The following MARCHF11 variants were observed in gnomAD, a reference collection of about 807,000 sequenced individuals.
MARCHF11 encodes E3 ubiquitin-protein ligase MARCHF11.
In MARCHF11, 29 loss-of-function variants were observed where a neutral mutation model predicts 37.3. That is an observed-to-expected ratio of 0.78 (90% CI 0.58 to 1.06). The LOEUF (loss-of-function observed/expected upper bound fraction) is 1.06, where lower values mean the gene tolerates loss of function less well. Ranked by LOEUF, MARCHF11 falls within the 50% of genes least tolerant of loss-of-function variation. The probability of loss-of-function intolerance (pLI) is 0.00; values close to 1 mark genes in which losing one functional copy is unlikely to be tolerated. For missense variants in MARCHF11, 482 were observed against 533.4 expected (o/e 0.90, Z 0.95); for synonymous variants, 233 against 228.0 (o/e 1.02, Z -0.20).
chr5:16,150,373 G>A (rs1737870552), intron 2 of MARCHF11, among the ~76,000 whole-genome samples: 1 of 149,178 alleles, frequency 6.7e-6, no homozygotes, highest in South Asian at 2.1e-4. Context: ...ATGTGCTCCT[G>A]CCTACCTAAA....
Position 16,179,293 on chromosome 5 carries a change from C to A in MARCHF11, c.283G>T (p.Glu95Ter). 7.8e-7 allele frequency: 1 copy of A among 1,281,884 alleles called. No homozygotes were observed. Among genetic ancestry groups the A allele is most frequent in the South Asian group, 2.3e-5 (1 of 43,734 alleles). 79.4% of individuals were successfully genotyped at this position (1,281,884 alleles called of 1,614,324 possible). ...CCGGAGTCGCCGGCCGCCGCCACTT[C>A]CTGGCCGGCGGGCTGCAGGGGCAGG... ...PPLPLQPAGQ[E>*]VAAAGDSGEG... The change falls in exon 1 of 4, where the codon GAA becomes TAA. Residue 95 changes from glutamate to a stop codon, truncating the protein, a stop_gained. Transcript: ENST00000332432. LOFTEE classifies it high-confidence loss of function.
At chr5:16,158,682 T>A (rs1738018782) in intron 2 of MARCHF11, among the ~76,000 whole-genome samples, 1 of 151,980 alleles carries the variant, frequency 6.6e-6, no homozygotes, top group South Asian at 2.1e-4. Flanking sequence ...CTATAGTTAA[T>A]AACAATGTAT....
rs1736407384 is a variant in MARCHF11, at chr5:16,070,101, C to T, written c.887-2308G>A. ...TTCAAATAATTGTTTTTATCAACTT[C>T]TTTTTTCAAAGGAATAATCATAGTT... On this transcript the variant is annotated intron_variant, in intron 3 of 3. Coordinates refer to ENST00000332432, the MANE Select transcript of MARCHF11 (RefSeq NM_001102562.3). 3.3e-5 allele frequency among the ~76,000 whole-genome samples: 5 copies of T among 152,272 alleles called. No homozygotes were observed. In the South Asian group the frequency reaches 1.0e-3, roughly 32 times the overall value.
chr5:16,084,633 A>G (rs1364623375), intron 3 of MARCHF11, among the ~76,000 whole-genome samples: 1 of 150,684 alleles, frequency 6.6e-6, no homozygotes. Context: ...ACAGAGCAAG[A>G]CTCTGTGTCA....
At chr5:16,127,644 A>T (rs1737433435) in intron 2 of MARCHF11, among the ~76,000 whole-genome samples, 1 of 152,248 alleles carries the variant, frequency 6.6e-6, no homozygotes, top group African/African-American at 2.4e-5. Context: ...GTTCCCCAGC[A>T]GGGAGGGACC....
chr5:16,172,746 C>A (rs548007743), intron 2 of MARCHF11, among the ~76,000 whole-genome samples: 38 of 152,226 alleles, frequency 2.5e-4, no homozygotes, highest in Non-Finnish European at 4.3e-4. Context: ...TGGAAATGCC[C>A]CTTTCATGAT....
intron 2 of MARCHF11, among the ~76,000 whole-genome samples, chr5:16,152,960 A>G (rs2126599134): frequency 6.6e-6 from 1 of 152,136 alleles, no homozygotes; most frequent in East Asian, 1.9e-4. Context: ...GCAATAAATC[A>G]TTCACTTCAA....
rs16868084 is a variant in MARCHF11 at position 16,082,306 on chromosome 5, A to C, written c.886+8583T>G. ...TGAGGCATTTCCTGGGGCGCGAAGC[A>C]TGCTAAGATAGTCTGAAGCCAGGAA... On this transcript the variant is annotated intron_variant, in intron 3 of 3. Transcript: ENST00000332432. Among the ~76,000 whole-genome samples, 1,325 of 152,332 alleles carry C rather than the reference A, an allele frequency of 8.7e-3. 14 individuals carry two copies. The highest frequency in any genetic ancestry group is 0.03 in the African/African-American group (1,253 of 41,578).
intron 2 of MARCHF11, among the ~76,000 whole-genome samples, chr5:16,142,682 ATTTTATCTTTTTTT>A (rs977911473): frequency 3.3e-5 from 4 of 119,768 alleles, no homozygotes; most frequent in African/African-American, 1.3e-4. Context: ...CACTTCTTAT[ATTTTATCTTTTTTT>A]TTTTTTTTTT....
At chr5:16,117,649 G>T (rs879728560) in intron 2 of MARCHF11, among the ~76,000 whole-genome samples, 15 of 152,208 alleles carry the variant, frequency 9.9e-5, no homozygotes, top group Non-Finnish European at 1.9e-4. Context: ...AGCTACGCAG[G>T]AGGCCAAGGT....
rs547318175 is a variant in MARCHF11 at position 16,088,247 on chromosome 5, C to T, written c.886+2642G>A. Among the ~76,000 whole-genome samples, 146 of 152,314 alleles carry T rather than the reference C, an allele frequency of 9.6e-4. 2 individuals are homozygous for T. The highest frequency in any genetic ancestry group is 3.4e-3 in the African/African-American group (143 of 41,572). The stretch of plus-strand genomic sequence containing the variant: ...TGGTGTTCAACTACCCCTTCCTGTG[C>T]ATACGTCCACAACTGTGCACATCCC... On this transcript the variant is annotated intron_variant, in intron 3 of 3. Coordinates refer to ENST00000332432, the MANE Select transcript of MARCHF11 (RefSeq NM_001102562.3).
intron 2 of MARCHF11, among the ~76,000 whole-genome samples, chr5:16,138,373 T>C (rs995449631): frequency 2.6e-5 from 4 of 152,174 alleles, no homozygotes; most frequent in African/African-American, 9.6e-5. Flanking sequence ...GGCCCGCAAG[T>C]GCTCAGAAGT....
At chr5:16,071,536 T>A (rs1736437542) in intron 3 of MARCHF11, among the ~76,000 whole-genome samples, 2 of 152,200 alleles carry the variant, frequency 1.3e-5, no homozygotes, top group Non-Finnish European at 2.9e-5. Flanking sequence ...TTTGAAGTAG[T>A]GTGTTACTTG....
rs908938564 is a variant in MARCHF11, at chr5:16,067,857, T to C, written c.887-64A>G. 28 of 1,418,600 alleles carry C rather than the reference T, an allele frequency of 2.0e-5. No individual in the cohort carries two copies. In the East Asian group the frequency reaches 2.8e-4, roughly 14 times the overall value. 87.9% of individuals were successfully genotyped at this position (1,418,600 alleles called of 1,614,324 possible). ...ATAATCCAAGGCTGGGAGTGTTATT[T>C]TGTATACAAGTAAGGGATCCAAAAA... On this transcript the variant is annotated intron_variant, in intron 3 of 3. Transcript: ENST00000332432.
At chr5:16,069,134 A>G (rs1173010791) in intron 3 of MARCHF11, among the ~76,000 whole-genome samples, 1 of 152,212 alleles carries the variant, frequency 6.6e-6, no homozygotes, top group Non-Finnish European at 1.5e-5. Flanking sequence ...ACCAATGGAT[A>G]AGAGTAATGA....
At chr5:16,133,564 T>A (rs569704838) in intron 2 of MARCHF11, among the ~76,000 whole-genome samples, 1 of 152,152 alleles carries the variant, frequency 6.6e-6, no homozygotes, top group South Asian at 2.1e-4. Context: ...GGATCTTTTC[T>A]TACACAGCAC....
intron 2 of MARCHF11, among the ~76,000 whole-genome samples, chr5:16,176,096 ATT>A (rs5866175): frequency 2.0e-4 from 29 of 146,876 alleles, no homozygotes; most frequent in African/African-American, 6.5e-4. Context: ...AGTAAATAGT[ATT>A]TTTTTTTTTT....
At chr5:16,114,714 G>A (rs772554378) in intron 2 of MARCHF11, among the ~76,000 whole-genome samples, 1 of 151,544 alleles carries the variant, frequency 6.6e-6, no homozygotes, top group Non-Finnish European at 1.5e-5. Context: ...GGTCTCGAAC[G>A]CCTGAGCTCA....
At chr5:16,101,005 G>A (rs771316499) in intron 2 of MARCHF11, among the ~76,000 whole-genome samples, 2 of 151,912 alleles carry the variant, frequency 1.3e-5, no homozygotes, top group Non-Finnish European at 2.9e-5. Flanking sequence ...TGACTTGCAA[G>A]TATTAATTTG....
Sources: allele counts gnomAD v4.1 joint callset (sites outside exome capture counted in the v4.1 genomes callset), GRCh38; gene constraint gnomAD v4.1.1; transcripts MANE v1.5; gene names NCBI Gene and HGNC (gene_info 2026-07-23, HGNC 2026-07-21).